Variants in ANKFN1 observed in about 807,000 individuals in gnomAD.
ANKFN1 encodes ankyrin repeat and fibronectin type III domain containing 1.
In ANKFN1, 74 loss-of-function variants were observed where a neutral mutation model predicts 108.7. That is an observed-to-expected ratio of 0.68 (90% CI 0.56 to 0.83). The LOEUF (loss-of-function observed/expected upper bound fraction) is 0.83. Ranked by LOEUF, ANKFN1 falls within the 40% of genes least tolerant of loss-of-function variation. The probability of loss-of-function intolerance (pLI) is 0.00; values close to 1 mark genes in which losing one functional copy is unlikely to be tolerated. For synonymous variants in ANKFN1, 547 were observed against 516.2 expected (o/e 1.06, Z -0.81); for missense variants, 1,505 against 1,382.3 (o/e 1.09, Z -1.41).
intron 6 of ANKFN1, among the ~76,000 whole-genome samples, chr17:56,354,878 G>C (rs1379232649): frequency 2.6e-5 from 4 of 152,178 alleles, no homozygotes; most frequent in South Asian, 2.1e-4. Flanking sequence ...ATTGTGAATA[G>C]TGCCATAATA....
chr17:56,354,820 A>G (rs978372295), intron 6 of ANKFN1, among the ~76,000 whole-genome samples: 2 of 152,186 alleles, frequency 1.3e-5, no homozygotes, highest in African/African-American at 4.8e-5. Flanking sequence ...CATTTTCTTT[A>G]TCTATTCATC....
chr17:56,290,697 A>G (rs2044338939), intron 3 of ANKFN1, among the ~76,000 whole-genome samples: 1 of 152,166 alleles, frequency 6.6e-6, no homozygotes, highest in Non-Finnish European at 1.5e-5. Flanking sequence ...AAAGTATTAA[A>G]TTCTCTATTT....
In ANKFN1 at chr17:56,502,804, A is replaced by G. The variant is rs2051417662; in HGVS notation, c.2644+3706A>G. ...GGAGCCTGCTAGAAATATAGAGCCTATCACAAACCTAGCCTCTGATGCCAG... is the reference window on the plus strand; with the variant it reads ...GGAGCCTGCTAGAAATATAGAGCCTGTCACAAACCTAGCCTCTGATGCCAG... On this transcript the variant is annotated intron_variant, in intron 20 of 20. Coordinates refer to ENST00000682825, the MANE Select transcript of ANKFN1 (RefSeq NM_001370326.1). Among the ~76,000 whole-genome samples, 6 of 152,230 alleles carry G rather than the reference A, an allele frequency of 3.9e-5. 1 individual carries two copies. In the South Asian group the frequency reaches 1.2e-3, roughly 31 times the overall value.
At chr17:56,129,955 A>G (rs1160913494) in intron 4 of ANKFN1, among the ~76,000 whole-genome samples, 2 of 152,224 alleles carry the variant, frequency 1.3e-5, no homozygotes, top group Non-Finnish European at 2.9e-5. Flanking sequence ...CATATAGCTT[A>G]CTATAATTCA....
chr17:56,135,583 A>T (rs1907550285), intron 4 of ANKFN1, among the ~76,000 whole-genome samples: 5 of 152,222 alleles, frequency 3.3e-5, no homozygotes. Context: ...TGAGAAGGTC[A>T]TTAACTTGTT....
intron 4 of ANKFN1, among the ~76,000 whole-genome samples, chr17:56,100,647 C>T (rs1307451295): frequency 5.3e-5 from 8 of 152,150 alleles, no homozygotes; most frequent in Non-Finnish European, 1.0e-4. Context: ...GAGAGGAGAT[C>T]AGAGGAGGCA....
intron 8 of ANKFN1, among the ~76,000 whole-genome samples, chr17:56,421,927 T>C (rs2048417186): frequency 6.6e-6 from 1 of 152,288 alleles, no homozygotes; most frequent in South Asian, 2.1e-4. Flanking sequence ...ATATAACCTT[T>C]TGCAACATTT....
intron 3 of ANKFN1, among the ~76,000 whole-genome samples, chr17:56,287,056 T>G (rs1338216193): frequency 3.3e-5 from 5 of 152,146 alleles, no homozygotes; most frequent in African/African-American, 1.2e-4. Context: ...AGTTGTGAGG[T>G]GTGTTACAGT....
chr17:56,102,817 G>A (rs932884079), intron 4 of ANKFN1, among the ~76,000 whole-genome samples: 2 of 152,122 alleles, frequency 1.3e-5, no homozygotes, highest in Admixed American at 6.5e-5. Context: ...TTGCTCAAGC[G>A]ATCCTCCTGC....
chr17:56,185,180 T>A (rs1338228777), intron 1 of ANKFN1, among the ~76,000 whole-genome samples: 1 of 152,176 alleles, frequency 6.6e-6, no homozygotes, highest in Non-Finnish European at 1.5e-5. Context: ...ATATGGTACA[T>A]ATATACTGAT....
intron 1 of ANKFN1, among the ~76,000 whole-genome samples, chr17:56,173,549 C>A (rs1910864203): frequency 6.6e-6 from 1 of 152,046 alleles, no homozygotes; most frequent in African/African-American, 2.4e-5. Context: ...GGATTTTTGG[C>A]TCTTTTTTTT....
rs993071274 is a variant in ANKFN1 at position 56,513,855 on chromosome 17, G to C, written c.*2586G>C. Reference sequence around the variant, plus strand: ...TTAGCAACATTCTTAAATAAAAGTGGGTATGTTGTAGCTTCCATAATTAGC... The same window carrying C: ...TTAGCAACATTCTTAAATAAAAGTGCGTATGTTGTAGCTTCCATAATTAGC... On this transcript the variant is annotated 3_prime_UTR_variant, in exon 21 of 21. Coordinates refer to ENST00000682825, the MANE Select transcript of ANKFN1 (RefSeq NM_001370326.1). Among the ~76,000 whole-genome samples the C allele has an allele frequency of 2.0e-5, 3 of 152,100 alleles. No individual in the cohort carries two copies. The highest frequency in any genetic ancestry group is 2.9e-5 in the Non-Finnish European group (2 of 68,016).
At chr17:56,106,430 C>G (rs1006884935) in intron 4 of ANKFN1, among the ~76,000 whole-genome samples, 3 of 152,192 alleles carry the variant, frequency 2.0e-5, no homozygotes, top group African/African-American at 7.2e-5. Flanking sequence ...CCTCAGATCC[C>G]CTTACCGATA....
chr17:56,112,665 A>T (rs1017243134), intron 4 of ANKFN1, among the ~76,000 whole-genome samples: 8 of 152,218 alleles, frequency 5.3e-5, no homozygotes, highest in African/African-American at 1.9e-4. Flanking sequence ...ACTTTTAAAT[A>T]GAATCACACT....
At chr17:56,388,992 A>G (rs2047353350) in intron 8 of ANKFN1, among the ~76,000 whole-genome samples, 1 of 151,914 alleles carries the variant, frequency 6.6e-6, no homozygotes, top group African/African-American at 2.4e-5. Context: ...CACTCTGGAA[A>G]ACTGTTTGGC....
At chr17:56,055,718 T>A (rs1296508014) in intron 4 of ANKFN1, among the ~76,000 whole-genome samples, 1 of 150,672 alleles carries the variant, frequency 6.6e-6, no homozygotes, top group Non-Finnish European at 1.5e-5. Context: ...TATATTGATT[T>A]CTCTTTCTTT....
chr17:56,206,537 C>T (rs529705749), intron 1 of ANKFN1: 7 of 152,098 alleles, frequency 4.6e-5, no homozygotes, highest in Non-Finnish European at 1.0e-4. Context: ...AAGTACCGGG[C>T]CCACACTGTG....
At chr17:56,126,394 C>G (rs778861297) in intron 4 of ANKFN1, among the ~76,000 whole-genome samples, 2 of 152,140 alleles carry the variant, frequency 1.3e-5, no homozygotes, top group African/African-American at 4.8e-5. Flanking sequence ...CTTTTCTCCC[C>G]CTTCTTGACA....
In ANKFN1 at chr17:56,185,925, G is replaced by GA. The variant is rs11284568; in HGVS notation, c.-70-26663dup. Among the ~76,000 whole-genome samples, 1,236 of 150,088 alleles carry GA rather than the reference G, an allele frequency of 8.2e-3. 51 individuals are homozygous for GA. In the East Asian group the frequency reaches 0.11, roughly 13 times the overall value. ...AGGAAACCGCATTAAAAATTAAAGT[G>GA]AAAAAAAAAATAAGAAAAAGCAATA... On this transcript the variant is annotated intron_variant, in intron 1 of 20. Coordinates refer to ENST00000682825, the MANE Select transcript of ANKFN1 (RefSeq NM_001370326.1).
Sources: allele counts gnomAD v4.1 joint callset (sites outside exome capture counted in the v4.1 genomes callset), GRCh38; gene constraint gnomAD v4.1.1; transcripts MANE v1.5; gene names NCBI Gene and HGNC (gene_info 2026-07-23, HGNC 2026-07-21).